The following FUT8 variants were observed in gnomAD, a reference collection of about 807,000 sequenced individuals.
FUT8 encodes the protein alpha-(1,6)-fucosyltransferase.
Under a neutral mutation model 71.3 loss-of-function variants are expected in FUT8, and 29 were observed. That is an observed-to-expected ratio of 0.41 (90% confidence interval 0.30 to 0.55). The LOEUF is 0.55. FUT8 is among the 20% of genes least tolerant of loss of function. FUT8 has a pLI of 0.34. For missense variants in FUT8, 544 were observed against 702.1 expected (o/e 0.77, Z 2.55); for synonymous variants, 254 against 239.3 (o/e 1.06, Z -0.57).
At chr14:65,657,832 T>A (rs547342145) in intron 6 of FUT8, among the ~76,000 whole-genome samples, 4 of 152,160 alleles carry the variant, frequency 2.6e-5, no homozygotes, top group Non-Finnish European at 5.9e-5. Flanking sequence ...TTGGATTGTT[T>A]GTAACACAAA....
chr14:65,474,003 G>A (rs567116163), intron 2 of FUT8, among the ~76,000 whole-genome samples: 10 of 152,074 alleles, frequency 6.6e-5, no homozygotes, highest in Non-Finnish European at 1.2e-4. Flanking sequence ...CAGCAATTTG[G>A]GTGGAGCTGT....
intron 6 of FUT8, among the ~76,000 whole-genome samples, chr14:65,650,985 C>A (rs1314123484): frequency 6.6e-6 from 1 of 152,198 alleles, no homozygotes; most frequent in Non-Finnish European, 1.5e-5. Flanking sequence ...GCCCCTCCCA[C>A]TCCCACTGAA....
At chr14:65,628,608 C>T (rs1397577270) in intron 5 of FUT8, among the ~76,000 whole-genome samples, 1 of 152,144 alleles carries the variant, frequency 6.6e-6, no homozygotes, top group Non-Finnish European at 1.5e-5. Flanking sequence ...ACTTTTCTTT[C>T]TTGCTAAATG....
intron 3 of FUT8, among the ~76,000 whole-genome samples, chr14:65,581,044 A>G (rs1350744051): frequency 6.6e-6 from 1 of 152,142 alleles, no homozygotes; most frequent in Non-Finnish European, 1.5e-5. Context: ...TTAGCTTACA[A>G]TAAACTTGCT....
intron 1 of FUT8, among the ~76,000 whole-genome samples, chr14:65,426,869 T>G (rs966868187): frequency 1.3e-5 from 2 of 151,950 alleles, no homozygotes; most frequent in African/African-American, 4.8e-5. Flanking sequence ...TTTTCTTTCT[T>G]TTTTTTTGAG....
chr14:65,608,488 T>A (rs1003121390), intron 3 of FUT8, among the ~76,000 whole-genome samples: 1 of 151,988 alleles, frequency 6.6e-6, no homozygotes, highest in Admixed American at 6.6e-5. Flanking sequence ...CATATTCTGA[T>A]TGCAAAGCAG....
At chr14:65,548,161 T>C (rs937087748) in intron 2 of FUT8, among the ~76,000 whole-genome samples, 1 of 151,986 alleles carries the variant, frequency 6.6e-6, no homozygotes, top group Non-Finnish European at 1.5e-5. Flanking sequence ...ACTACAGAAT[T>C]GATGGGTCCT....
the FUT8 span, among the ~76,000 whole-genome samples, chr14:65,361,784 C>T: frequency 1.3e-5 from 2 of 150,788 alleles, no homozygotes; most frequent in Admixed American, 6.6e-5. Flanking sequence ...AAGAGTCTGT[C>T]TCAAAGAAAA....
intron 3 of FUT8, among the ~76,000 whole-genome samples, chr14:65,605,025 C>T (rs1888503095): frequency 6.6e-6 from 1 of 151,884 alleles, no homozygotes; most frequent in African/African-American, 2.4e-5. Context: ...TTGTGAAATT[C>T]ATGTAAGATT....
In FUT8 at chr14:65,526,724, T is replaced by C. The variant is rs553848576; in HGVS notation, c.-227-34613T>C. ...ACTGGTTATTCCTTTCCATGTTTAG[T>C]GCTTCCTTCAGGAGCTCTTGTAGGG... On this transcript the variant is annotated intron_variant, in intron 2 of 10. Transcript: ENST00000673929. Among the ~76,000 whole-genome samples the C allele has an allele frequency of 5.0e-3, 758 of 152,328 alleles. 8 individuals are homozygous for C. Among genetic ancestry groups the C allele is most frequent in the African/African-American group, 0.017 (721 of 41,568 alleles).
intron 2 of FUT8, among the ~76,000 whole-genome samples, chr14:65,515,860 C>T (rs993625161): frequency 4.6e-5 from 7 of 152,198 alleles, no homozygotes; most frequent in African/African-American, 1.7e-4. Context: ...CTTTTATAAG[C>T]AGCAGCAAAA....
At chr14:65,423,142 C>T (rs1384596631) in intron 1 of FUT8, among the ~76,000 whole-genome samples, 8 of 151,516 alleles carry the variant, frequency 5.3e-5, no homozygotes, top group Non-Finnish European at 7.4e-5. Flanking sequence ...TACACCACCA[C>T]GCCTGGCTAA....
chr14:65,682,642 C>T (rs538442872), intron 7 of FUT8, among the ~76,000 whole-genome samples: 45 of 152,244 alleles, frequency 3.0e-4, no homozygotes, highest in African/African-American at 9.6e-4. Context: ...TCTGCACACC[C>T]GGAGTACTTG....
intron 2 of FUT8, among the ~76,000 whole-genome samples, chr14:65,543,165 G>A (rs1394131171): frequency 6.6e-6 from 1 of 152,174 alleles, no homozygotes; most frequent in Non-Finnish European, 1.5e-5. Flanking sequence ...AGCTTATCAA[G>A]AGTTGATTTG....
At chr14:65,576,696 C>CTTTTTTTTGTTTT (rs1886794831) in intron 3 of FUT8, among the ~76,000 whole-genome samples, 1 of 96,220 alleles carries the variant, frequency 1.0e-5, no homozygotes, top group Non-Finnish European at 1.8e-5. Flanking sequence ...GCCCAGCTTG[C>CTTTTTTTTGTTTT]TTTTTTTTTT....
At chr14:65,407,491 G>A (rs1216996580), upstream of FUT8, among the ~76,000 whole-genome samples, 2 of 151,270 alleles carry the variant, frequency 1.3e-5, no homozygotes, top group East Asian at 1.9e-4. Context: ...AATAGAGACA[G>A]GGGTCTTGCT....
chr14:65,447,232 T>C (rs2065755884), intron 1 of FUT8, among the ~76,000 whole-genome samples: 1 of 150,570 alleles, frequency 6.6e-6, no homozygotes, highest in Non-Finnish European at 1.5e-5. Flanking sequence ...GCAGAGGCTG[T>C]AGTGAGCTGG....
rs78325929 is a variant in FUT8 at position 65,571,851 on chromosome 14, A to G, written c.203+10085A>G. ...GTTGTTCTATTTAGAACACTGTGTT[A>G]TAGCATTGTTACCTGTTTTTTCTTG... On this transcript the variant is annotated intron_variant, in intron 3 of 10. Transcript: ENST00000673929. 3.3e-3 allele frequency among the ~76,000 whole-genome samples: 498 copies of G among 152,272 alleles called. 3 individuals are homozygous for G. The East Asian group carries it at 0.035, about 11-fold the overall frequency.
chr14:65,496,560 C>T (rs183254647), intron 2 of FUT8, among the ~76,000 whole-genome samples: 17 of 152,166 alleles, frequency 1.1e-4, no homozygotes, highest in South Asian at 2.1e-4. Flanking sequence ...TGGTTTTATA[C>T]GTGTCTGACA....
Sources: allele counts gnomAD v4.1 joint callset (sites outside exome capture counted in the v4.1 genomes callset), GRCh38; gene constraint gnomAD v4.1.1; transcripts MANE v1.5; gene names NCBI Gene and HGNC (gene_info 2026-07-23, HGNC 2026-07-21).